XKR4: variants seen among roughly 807,000 people sequenced by gnomAD.
XKR4 encodes XK-related protein 4.
A neutral mutation model predicts 53.9 loss-of-function variants in XKR4; 12 were observed. That is an observed-to-expected ratio of 0.22 (90% confidence interval 0.14 to 0.36). The LOEUF is 0.36. Ranked by LOEUF, XKR4 falls within the 10% of genes least tolerant of loss-of-function variation. XKR4 has a pLI of 1.00. For missense variants in XKR4, 799 were observed against 859.5 expected (o/e 0.93, Z 0.88); for synonymous variants, 354 against 362.4 (o/e 0.98, Z 0.26).
chr8:55,204,698 A>C (rs1817621157), intron 1 of XKR4, among the ~76,000 whole-genome samples: 1 of 152,242 alleles, frequency 6.6e-6, no homozygotes, highest in Non-Finnish European at 1.5e-5. Flanking sequence ...TGGGTTAAGG[A>C]AGGGAAAATT....
intron 1 of XKR4, among the ~76,000 whole-genome samples, chr8:55,302,922 T>C (rs1434715422): frequency 1.3e-5 from 2 of 152,224 alleles, no homozygotes; most frequent in African/African-American, 2.4e-5. Flanking sequence ...TTTCTAAATA[T>C]ACAATCATGC....
intron 2 of XKR4, among the ~76,000 whole-genome samples, chr8:55,424,029 C>T (rs562141205): frequency 6.0e-4 from 92 of 152,348 alleles, no homozygotes; most frequent in Non-Finnish European, 3.7e-4. Flanking sequence ...ATAATCCAAA[C>T]GCACACCTGG....
At chr8:55,306,377 G>A (rs1819300411) in intron 1 of XKR4, among the ~76,000 whole-genome samples, 1 of 152,152 alleles carries the variant, frequency 6.6e-6, no homozygotes, top group Non-Finnish European at 1.5e-5. Flanking sequence ...TACAAAAAGG[G>A]TCCATATGGA....
chr8:55,219,408 C>T (rs775543749), intron 1 of XKR4, among the ~76,000 whole-genome samples: 5 of 152,130 alleles, frequency 3.3e-5, no homozygotes, highest in Non-Finnish European at 5.9e-5. Flanking sequence ...TAACTGAGCT[C>T]TGCACAGGAG....
chr8:55,370,359 G>A (rs929827056), intron 2 of XKR4, among the ~76,000 whole-genome samples: 1 of 152,156 alleles, frequency 6.6e-6, no homozygotes. Context: ...CCATCTGAAT[G>A]TAAAGGGCAT....
At chr8:55,194,060 G>C (rs1254299061) in intron 1 of XKR4, among the ~76,000 whole-genome samples, 1 of 152,186 alleles carries the variant, frequency 6.6e-6, no homozygotes, top group East Asian at 1.9e-4. Flanking sequence ...CTTTCAGTCT[G>C]TGCCCCAGGC....
rs1288145509 is a variant in XKR4 at position 55,357,478 on chromosome 8, G to T, written c.807-200G>T. Among the ~76,000 whole-genome samples, 5 of 152,176 alleles carry T rather than the reference G, an allele frequency of 3.3e-5. No individual in the cohort carries two copies. In the East Asian group the frequency reaches 5.8e-4, roughly 18 times the overall value. ...GAAGGTCTTTATGAGGACTAAAATT[G>T]CAGTGACTTCTCAAAGTGAGCATTT... On this transcript the variant is annotated intron_variant, in intron 1 of 2. Transcript: ENST00000327381.
chr8:55,172,378 A>C (rs2129358623), intron 1 of XKR4, among the ~76,000 whole-genome samples: 1 of 152,088 alleles, frequency 6.6e-6, no homozygotes, highest in East Asian at 1.9e-4. Flanking sequence ...CAGTGTGAAA[A>C]ATTTTGCACC....
intron 1 of XKR4, among the ~76,000 whole-genome samples, chr8:55,288,304 T>G (rs1029038088): frequency 3.9e-5 from 6 of 152,212 alleles, no homozygotes; most frequent in Admixed American, 6.5e-5. Context: ...CAATGCCTAG[T>G]GACTTAATTT....
At chr8:55,508,461 A>G (rs897282628) in intron 2 of XKR4, among the ~76,000 whole-genome samples, 1 of 152,170 alleles carries the variant, frequency 6.6e-6, no homozygotes, top group Admixed American at 6.5e-5. Context: ...CTCAGTCCCT[A>G]CCCTCATGAA....
At chr8:55,294,864 C>T (rs1819080006) in intron 1 of XKR4, among the ~76,000 whole-genome samples, 3 of 152,078 alleles carry the variant, frequency 2.0e-5, no homozygotes, top group Admixed American at 2.0e-4. Context: ...AGACGAAGAC[C>T]TCAGGATATG....
chr8:55,245,244 T>G (rs1245362603), intron 1 of XKR4, among the ~76,000 whole-genome samples: 1 of 152,076 alleles, frequency 6.6e-6, no homozygotes, highest in African/African-American at 2.4e-5. Context: ...TTTTGCTTGC[T>G]AGTTGGTTTA....
rs1258838521 is a variant in XKR4, at chr8:55,534,664, C to G, written c.*10437C>G. 1 of 151,650 alleles carries G rather than the reference C, an allele frequency of 6.6e-6. No homozygotes were observed. Among genetic ancestry groups the G allele is most frequent in the South Asian group, 2.1e-4 (1 of 4,820 alleles). 9.4% of individuals were successfully genotyped at this position (151,650 alleles called of 1,614,324 possible). On this transcript the variant is annotated 3_prime_UTR_variant, in exon 3 of 3. Coordinates refer to ENST00000327381, the MANE Select transcript of XKR4 (RefSeq NM_052898.2). ...TGCTGGGATTACAGGCGTGAGCCAC[C>G]ACACCCGGCCCCGATATTCTTAATG...
At chr8:55,134,498 A>G (rs1744855153) in intron 1 of XKR4, among the ~76,000 whole-genome samples, 1 of 152,252 alleles carries the variant, frequency 6.6e-6, no homozygotes, top group Non-Finnish European at 1.5e-5. Flanking sequence ...AATGTTAACT[A>G]CGTTCATTCA....
At chr8:55,476,055 A>T (rs1259467996) in intron 2 of XKR4, among the ~76,000 whole-genome samples, 1 of 152,078 alleles carries the variant, frequency 6.6e-6, no homozygotes, top group East Asian at 1.9e-4. Flanking sequence ...TACCTCATAA[A>T]TAATGAGCTC....
At position 55,533,276 on chromosome 8, in the gene XKR4, G is replaced by A. The variant is rs1323583584; in HGVS notation, c.*9049G>A. 2 of 152,046 alleles carry A rather than the reference G, an allele frequency of 1.3e-5. No individual in the cohort carries two copies. The highest frequency in any genetic ancestry group is 4.8e-5 in the African/African-American group (2 of 41,388). The allele number at this position is 152,046 out of a possible 1,614,324, so 9.4% of individuals were successfully genotyped here. A position where few individuals can be genotyped will look rare whatever the true frequency, so the allele number is the denominator to read the frequency against. Reference sequence around the variant, plus strand: ...CCTGTGGTTTTCTGCTGAGCCCCTTGTGATTTTTTTTATTCTATTCAAATT... The same window carrying A: ...CCTGTGGTTTTCTGCTGAGCCCCTTATGATTTTTTTTATTCTATTCAAATT... On this transcript the variant is annotated 3_prime_UTR_variant, in exon 3 of 3. Transcript: ENST00000327381.
At chr8:55,211,171 A>C (rs1208506981) in intron 1 of XKR4, among the ~76,000 whole-genome samples, 1 of 152,192 alleles carries the variant, frequency 6.6e-6, no homozygotes, top group South Asian at 2.1e-4. Context: ...CTCCTCTCTC[A>C]CATTCAAATT....
intron 1 of XKR4, among the ~76,000 whole-genome samples, chr8:55,126,900 A>G (rs1006993769): frequency 6.6e-6 from 1 of 152,246 alleles, no homozygotes; most frequent in African/African-American, 2.4e-5. Context: ...CCCAAGTAAT[A>G]ACTTGCTATT....
At chr8:55,219,103 T>C (rs1308810008) in intron 1 of XKR4, among the ~76,000 whole-genome samples, 2 of 151,596 alleles carry the variant, frequency 1.3e-5, no homozygotes, top group African/African-American at 4.8e-5. Flanking sequence ...CTTGTTAGAG[T>C]TGGGTTTCTG....
Sources: allele counts gnomAD v4.1 joint callset (sites outside exome capture counted in the v4.1 genomes callset), GRCh38; gene constraint gnomAD v4.1.1; transcripts MANE v1.5; gene names NCBI Gene and HGNC (gene_info 2026-07-23, HGNC 2026-07-21).